Variants in EPB41L3 observed in about 807,000 individuals in gnomAD.
EPB41L3 encodes the protein erythrocyte membrane protein band 4.1 like 3.
Under a neutral mutation model 127.1 loss-of-function variants are expected in EPB41L3, and 57 were observed. The ratio of observed to expected loss-of-function variants is 0.45; its 90% CI spans 0.36 to 0.56. The LOEUF (loss-of-function observed/expected upper bound fraction) is 0.56, where lower values mean the gene tolerates loss of function less well. Ranked by LOEUF, EPB41L3 falls within the 20% of genes least tolerant of loss-of-function variation. The pLI is 0.00. For missense variants in EPB41L3, 1,273 were observed against 1,372.2 expected, an observed-to-expected ratio of 0.93 and a Z score of 1.14; for synonymous variants, 572 against 549.5, an observed-to-expected ratio of 1.04 and a Z score of -0.57.
chr18:5,527,595 A>G (rs1434507715), intron 1 of EPB41L3, among the ~76,000 whole-genome samples: 1 of 152,206 alleles, frequency 6.6e-6, no homozygotes, highest in Non-Finnish European at 1.5e-5. Context: ...TGAGGGAGAA[A>G]CACGAAAACA....
intron 3 of EPB41L3, among the ~76,000 whole-genome samples, chr18:5,606,387 A>T (rs1026727699): frequency 1.3e-5 from 2 of 151,860 alleles, no homozygotes; most frequent in Non-Finnish European, 2.9e-5. Context: ...TGAACATCTC[A>T]TTCTATTTTG....
intron 3 of EPB41L3, among the ~76,000 whole-genome samples, chr18:5,589,025 C>T (rs2094463528): frequency 6.6e-6 from 1 of 152,026 alleles, no homozygotes; most frequent in African/African-American, 2.4e-5. Context: ...ACTTGTACTA[C>T]ATTGCACTTA....
At chr18:5,542,246 T>C (rs2093751751) in intron 1 of EPB41L3, among the ~76,000 whole-genome samples, 1 of 152,264 alleles carries the variant, frequency 6.6e-6, no homozygotes, top group South Asian at 2.1e-4. Flanking sequence ...ATAGGGCTTT[T>C]CTGCTTAATT....
At chr18:5,520,307 C>G (rs1184369065) in intron 1 of EPB41L3, among the ~76,000 whole-genome samples, 1 of 152,032 alleles carries the variant, frequency 6.6e-6, no homozygotes, top group African/African-American at 2.4e-5. Context: ...AGTTAAGCAC[C>G]TCCCCTGTGA....
rs894601241 is a variant in EPB41L3, at chr18:5,627,391, C to T, written c.-468+1531G>A. Among the ~76,000 whole-genome samples the T allele has an allele frequency of 2.0e-5, 3 of 152,258 alleles. No individual in the cohort carries two copies. In the East Asian group the frequency reaches 5.8e-4, roughly 29 times the overall value. ...TCTGAAAGTAGTGAGATCCCAGTTTCTCTAGGTATTCAACCAGAGACTGTT... is the reference window on the plus strand; with the variant it reads ...TCTGAAAGTAGTGAGATCCCAGTTTTTCTAGGTATTCAACCAGAGACTGTT... On this transcript the variant is annotated intron_variant, in intron 1 of 21. Transcript: ENST00000545076.
chr18:5,630,464 G>A (rs370010514), upstream of EPB41L3: 3 of 518,836 alleles, frequency 5.8e-6, no homozygotes, highest in African/African-American at 3.8e-5. Flanking sequence ...AAAAAGTAGC[G>A]CAAGGGCAGA....
chr18:5,516,767 T>C (rs1303385629), intron 1 of EPB41L3, among the ~76,000 whole-genome samples: 2 of 152,210 alleles, frequency 1.3e-5, no homozygotes, highest in Non-Finnish European at 2.9e-5. Context: ...CAGAGATCAC[T>C]AACAGTTGAT....
At chr18:5,566,301 A>G (rs543760537) in intron 3 of EPB41L3, among the ~76,000 whole-genome samples, 1 of 152,328 alleles carries the variant, frequency 6.6e-6, no homozygotes, top group African/African-American at 2.4e-5. Flanking sequence ...AAAAATCACA[A>G]GCATTCTTAT....
intron 3 of EPB41L3, among the ~76,000 whole-genome samples, chr18:5,571,144 A>G (rs1446965132): frequency 6.6e-6 from 1 of 152,262 alleles, no homozygotes; most frequent in Non-Finnish European, 1.5e-5. Context: ...CTATGCCAAA[A>G]GTAGTTGTGA....
At chr18:5,450,408 T>C (rs1356723322) in intron 3 of EPB41L3, among the ~76,000 whole-genome samples, 1 of 149,816 alleles carries the variant, frequency 6.7e-6, no homozygotes, top group Non-Finnish European at 1.5e-5. Flanking sequence ...TAATGCAAAA[T>C]GTTAAAAATA....
At position 5,543,937 on chromosome 18, in the gene EPB41L3, G is replaced by A. The variant is rs891114875; in HGVS notation, c.-36C>T. 8.1e-6 allele frequency: 8 copies of A among 985,576 alleles called. No homozygotes were observed. Among genetic ancestry groups the A allele is most frequent in the Admixed American group, 1.2e-4 (2 of 16,260 alleles). The allele number at this position is 985,576 out of a possible 1,614,324, so 61.1% of individuals were successfully genotyped here. On this transcript the variant is annotated 5_prime_UTR_variant, in exon 1 of 23. Coordinates refer to ENST00000341928, the MANE Select transcript of EPB41L3 (RefSeq NM_012307.5). This position sits in a 1 kb window ranked among gnomAD's most constrained non-coding sequence, Gnocchi z 5.2. ...CCTGGGATCAGCAGGGAGCCCGGGC[G>A]CGCCGCGGCGTGGGGACTAGGCTCG...
intron 1 of EPB41L3, among the ~76,000 whole-genome samples, chr18:5,621,008 C>T (rs1038018734): frequency 5.9e-5 from 9 of 152,262 alleles, no homozygotes; most frequent in Non-Finnish European, 1.0e-4. Context: ...TAAACATTTA[C>T]ATATGCCAGC....
intron 1 of EPB41L3, among the ~76,000 whole-genome samples, chr18:5,509,549 CAG>C (rs2092411672): frequency 6.6e-6 from 1 of 152,204 alleles, no homozygotes; most frequent in African/African-American, 2.4e-5. Context: ...AAAGGTAAGT[CAG>C]CTAGCCCCAA....
intron 9 of EPB41L3, 111 bp downstream of exon 9, chr18:5,428,202 G>T: frequency 3.2e-6 from 4 of 1,249,414 alleles, no homozygotes; most frequent in Non-Finnish European, 3.4e-6. Flanking sequence ...GCACTTAGAT[G>T]TCATTCACTG....
chr18:5,498,106 T>G (rs908851073), intron 1 of EPB41L3, among the ~76,000 whole-genome samples: 2 of 152,228 alleles, frequency 1.3e-5, no homozygotes, highest in Non-Finnish European at 2.9e-5. Flanking sequence ...CACAGGGCAG[T>G]GTTTCCCAGA....
intron 5 of EPB41L3, among the ~76,000 whole-genome samples, chr18:5,438,673 C>T (rs1175331688): frequency 6.6e-6 from 1 of 152,204 alleles, no homozygotes; most frequent in Non-Finnish European, 1.5e-5. Context: ...TATTTTCTTG[C>T]TCAGGGAAAT....
chr18:5,457,679 G>A (rs2083323880), intron 3 of EPB41L3, among the ~76,000 whole-genome samples: 1 of 151,974 alleles, frequency 6.6e-6, no homozygotes, highest in Non-Finnish European at 1.5e-5. Context: ...ACCCTGCAGG[G>A]GCCTCCCAGG....
rs113794328 is a variant in EPB41L3, at chr18:5,602,262, GC to G, written c.-306+10077del. Among the ~76,000 whole-genome samples the G allele has an allele frequency of 2.9e-4, 44 of 152,246 alleles. 1 individual carries two copies. The highest frequency in any genetic ancestry group is 1.0e-3 in the African/African-American group (43 of 41,556). On this transcript the variant is annotated intron_variant, in intron 3 of 21. Transcript: ENST00000545076. ...CACACTAACTCATTTTCCCCTAAAT[GC>G]TGCACGTTTTCCATCCCTCCTGCCA...
chr18:5,629,721 C>G (rs904218975), upstream of EPB41L3, among the ~76,000 whole-genome samples: 1 of 152,134 alleles, frequency 6.6e-6, no homozygotes, highest in African/African-American at 2.4e-5. Flanking sequence ...AGAGAGAGCC[C>G]GCGCTCACTC....
Sources: allele counts gnomAD v4.1 joint callset (sites outside exome capture counted in the v4.1 genomes callset), GRCh38; gene constraint gnomAD v4.1.1; non-coding constraint Gnocchi (gnomAD v3.1); transcripts MANE v1.5; gene names NCBI Gene and HGNC (gene_info 2026-07-23, HGNC 2026-07-21).